The following CDH13 variants were observed in gnomAD, a reference collection of about 807,000 sequenced individuals.
CDH13 encodes cadherin 13.
A neutral mutation model predicts 63.8 loss-of-function variants in CDH13; 24 were observed. The ratio of observed to expected loss-of-function variants is 0.38; its 90% confidence interval spans 0.27 to 0.53. CDH13 has a LOEUF of 0.53. Among genes scored for constraint, CDH13 ranks in the 20% least tolerant of loss-of-function variants. CDH13 has a pLI of 0.85. For synonymous variants in CDH13, 503 were observed against 355.3 expected (o/e 1.42, Z -4.67); for missense variants, 1,049 against 903.1 (o/e 1.16, Z -2.07).
In CDH13 at chr16:83,246,721, G is replaced by C. The variant is rs79622821; in HGVS notation, c.636+29224G>C. The stretch of plus-strand genomic sequence containing the variant: ...GAGGCCCCTATGTTTACTCTTCGCC[G>C]GTGTTGCTGCCAGAAGCTTAAAGCT... On this transcript the variant is annotated intron_variant, in intron 5 of 13. Coordinates refer to ENST00000567109, the MANE Select transcript of CDH13 (RefSeq NM_001257.5). 8.6e-3 allele frequency among the ~76,000 whole-genome samples: 1,309 copies of C among 152,204 alleles called. 6 individuals are homozygous for C. The highest frequency in any genetic ancestry group is 0.03 in the East Asian group (153 of 5,160).
At chr16:82,677,081 G>A (rs1191916454) in intron 1 of CDH13, among the ~76,000 whole-genome samples, 5 of 152,040 alleles carry the variant, frequency 3.3e-5, no homozygotes, top group Admixed American at 6.6e-5. Flanking sequence ...ACGGGGTTTC[G>A]CCATGTTGGC....
intron 8 of CDH13, among the ~76,000 whole-genome samples, chr16:83,630,595 A>G (rs1910689414): frequency 6.6e-6 from 1 of 152,208 alleles, no homozygotes; most frequent in African/African-American, 2.4e-5. Flanking sequence ...AGTCTAGCTC[A>G]GTGAATCTGC....
chr16:82,867,780 G>T (rs558115696), intron 2 of CDH13, among the ~76,000 whole-genome samples: 1 of 152,134 alleles, frequency 6.6e-6, no homozygotes, highest in Admixed American at 6.5e-5. Flanking sequence ...CACAACAAAG[G>T]CTCTTTTGAC....
In CDH13 at chr16:83,341,989, C is replaced by CCACACACACACACACACACACA. The variant is rs756844839; in HGVS notation, c.637-2851_637-2830dup. ...ATTTATTTTGAATAGGTGTCCCCTGCCACACACACACACACACACACACAC... is the reference window on the plus strand; with the variant it reads ...ATTTATTTTGAATAGGTGTCCCCTGCCACACACACACACACACACACACACACACACACACACACACACACAC... On this transcript the variant is annotated intron_variant, in intron 5 of 13. Transcript: ENST00000567109. Among the ~76,000 whole-genome samples the CCACACACACACACACACACACA allele has an allele frequency of 5.1e-5, 7 of 138,150 alleles. No individual in the cohort carries two copies. The South Asian group carries it at 1.5e-3, about 29-fold the overall frequency. 90.6% of individuals were successfully genotyped at this position (138,150 alleles called of 152,430 possible). A position where few individuals can be genotyped will look rare whatever the true frequency, so the allele number is the denominator to read the frequency against.
chr16:83,012,959 C>G (rs1031189735), intron 2 of CDH13, among the ~76,000 whole-genome samples: 7 of 152,066 alleles, frequency 4.6e-5, no homozygotes. Context: ...AATCATTTTC[C>G]CCACTCTGCT....
At chr16:83,335,015 C>T (rs900061590) in intron 5 of CDH13, among the ~76,000 whole-genome samples, 7 of 152,262 alleles carry the variant, frequency 4.6e-5, no homozygotes, top group Non-Finnish European at 7.4e-5. Context: ...TTAATGTTAT[C>T]ATTTCCTGTC....
chr16:83,244,260 G>T (rs910656464), intron 5 of CDH13, among the ~76,000 whole-genome samples: 40 of 152,122 alleles, frequency 2.6e-4, no homozygotes, highest in Middle Eastern at 3.4e-3. Context: ...GCTTTACTGT[G>T]TTGGCACAGC....
intron 2 of CDH13, among the ~76,000 whole-genome samples, chr16:82,908,477 C>T (rs544168227): frequency 3.9e-5 from 6 of 152,320 alleles, no homozygotes; most frequent in East Asian, 1.9e-4. Context: ...GGGCCACCTG[C>T]CCAGCAGGCA....
At chr16:82,999,459 T>G (rs1448917886) in intron 2 of CDH13, among the ~76,000 whole-genome samples, 2 of 152,054 alleles carry the variant, frequency 1.3e-5, no homozygotes, top group African/African-American at 2.4e-5. Flanking sequence ...TTTATATATA[T>G]AGATATGCCC....
chr16:82,663,582 G>C (rs1912233879), intron 1 of CDH13, among the ~76,000 whole-genome samples: 1 of 152,206 alleles, frequency 6.6e-6, no homozygotes, highest in South Asian at 2.1e-4. Context: ...GTCTTTGTCA[G>C]ATTTATCATT....
intron 2 of CDH13, among the ~76,000 whole-genome samples, chr16:83,030,764 C>T (rs557402716): frequency 6.6e-6 from 1 of 151,324 alleles, no homozygotes; most frequent in African/African-American, 2.4e-5. Context: ...CACAACAAAT[C>T]GTCCAGGGCT....
chr16:82,962,756 A>T (rs964089585), intron 2 of CDH13, among the ~76,000 whole-genome samples: 1 of 152,198 alleles, frequency 6.6e-6, no homozygotes, highest in Non-Finnish European at 1.5e-5. Flanking sequence ...TTGGTTTTTC[A>T]GATCTCAAGG....
At chr16:83,595,452 A>G (rs1885065846) in intron 7 of CDH13, among the ~76,000 whole-genome samples, 1 of 152,232 alleles carries the variant, frequency 6.6e-6, no homozygotes, top group Non-Finnish European at 1.5e-5. Context: ...ATGGGCATTC[A>G]AAATAAAGCA....
At chr16:82,712,795 C>A (rs1228508726) in intron 1 of CDH13, among the ~76,000 whole-genome samples, 1 of 152,158 alleles carries the variant, frequency 6.6e-6, no homozygotes, top group Non-Finnish European at 1.5e-5. Context: ...GCCCATTCTG[C>A]AGGCAGTCTT....
intron 1 of CDH13, among the ~76,000 whole-genome samples, chr16:82,765,535 G>A (rs1242712275): frequency 1.3e-5 from 2 of 152,180 alleles, no homozygotes; most frequent in Non-Finnish European, 2.9e-5. Context: ...GGCTGGCGTT[G>A]ATGATGCTGC....
chr16:83,499,675 G>C (rs2074226098), intron 7 of CDH13, among the ~76,000 whole-genome samples: 1 of 152,236 alleles, frequency 6.6e-6, no homozygotes, highest in African/African-American at 2.4e-5. Context: ...CTGTCATGAA[G>C]AGCAAATGAA....
At chr16:82,767,954 C>T (rs550305631) in intron 1 of CDH13, among the ~76,000 whole-genome samples, 27 of 152,222 alleles carry the variant, frequency 1.8e-4, no homozygotes, top group Middle Eastern at 3.4e-3. Context: ...ATTGCAAGGC[C>T]TCAAAGAGAA....
At chr16:83,166,095 A>C (rs1304783976) in intron 4 of CDH13, among the ~76,000 whole-genome samples, 1 of 152,130 alleles carries the variant, frequency 6.6e-6, no homozygotes, top group Non-Finnish European at 1.5e-5. Flanking sequence ...GCAGGCAGTG[A>C]TGCTGACAAT....
intron 1 of CDH13, among the ~76,000 whole-genome samples, chr16:82,764,497 G>T (rs538960004): frequency 6.6e-6 from 1 of 152,280 alleles, no homozygotes; most frequent in African/African-American, 2.4e-5. Context: ...AGATAGATGT[G>T]CTAGCAGAGC....
Sources: gnomAD v4.1 joint callset for allele counts (sites outside exome capture counted in the v4.1 genomes callset) on GRCh38, gnomAD v4.1.1 for gene constraint, MANE v1.5 for transcripts, NCBI Gene and HGNC (gene_info 2026-07-23, HGNC 2026-07-21) for gene names.